MPP7: variants seen among roughly 807,000 people sequenced by gnomAD.
MPP7 encodes MAGUK p55 scaffold protein 7.
A neutral mutation model predicts 76.5 loss-of-function variants in MPP7; 60 were observed. The observed-to-expected ratio is 0.78, with a 90% confidence interval of 0.64 to 0.97. The LOEUF (loss-of-function observed/expected upper bound fraction) is 0.97, where lower values mean the gene tolerates loss of function less well. Among genes scored for constraint, MPP7 ranks in the 50% least tolerant of loss-of-function variants. The pLI is 0.00. For missense variants in MPP7, 641 were observed against 694.0 expected (o/e 0.92, Z 0.86); for synonymous variants, 237 against 244.5 (o/e 0.97, Z 0.29).
At chr10:28,268,451 G>A (rs892595301) in intron 1 of MPP7, among the ~76,000 whole-genome samples, 9 of 152,082 alleles carry the variant, frequency 5.9e-5, no homozygotes, top group Admixed American at 5.9e-4. Context: ...ACAATTAGGG[G>A]CCAGGCGCGG....
chr10:28,244,499 T>C (rs1326492895), intron 1 of MPP7, among the ~76,000 whole-genome samples: 1 of 152,112 alleles, frequency 6.6e-6, no homozygotes, highest in Non-Finnish European at 1.5e-5. Flanking sequence ...CAAAAATTCC[T>C]AGTTTTCAAG....
chr10:28,057,445 CCTCT>C (rs1198915279), intron 15 of MPP7, among the ~76,000 whole-genome samples: 4 of 151,420 alleles, frequency 2.6e-5, no homozygotes, highest in Non-Finnish European at 4.4e-5. Context: ...GCACCTCGCT[CCTCT>C]CTCTCTCTTC....
intron 3 of MPP7, among the ~76,000 whole-genome samples, chr10:28,155,144 T>C (rs1462146912): frequency 6.6e-6 from 1 of 152,198 alleles, no homozygotes; most frequent in Admixed American, 6.5e-5. Context: ...GTCTGGGATC[T>C]ATGGCTAGGA....
intron 13 of MPP7, among the ~76,000 whole-genome samples, chr10:28,068,056 C>T (rs1852062270): frequency 6.6e-6 from 1 of 151,946 alleles, no homozygotes; most frequent in Non-Finnish European, 1.5e-5. Flanking sequence ...TTTAAAAATT[C>T]GTTTTTTTTT....
chr10:28,069,595 T>C (rs1418688861), intron 13 of MPP7, among the ~76,000 whole-genome samples, 177 bp downstream of exon 13: 1 of 138,526 alleles, frequency 7.2e-6, no homozygotes, highest in Admixed American at 7.6e-5. Context: ...AGAGTGAGAC[T>C]CCATCTCAAA....
chr10:28,096,126 C>T (rs1181744420), intron 11 of MPP7, among the ~76,000 whole-genome samples: 1 of 152,150 alleles, frequency 6.6e-6, no homozygotes, highest in Non-Finnish European at 1.5e-5. Context: ...ATCTGAGTTG[C>T]TCGTTATTTG....
intron 2 of MPP7, among the ~76,000 whole-genome samples, chr10:28,309,052 C>G (rs1319722531): frequency 6.6e-6 from 1 of 152,128 alleles, no homozygotes; most frequent in Non-Finnish European, 1.5e-5. Flanking sequence ...TCTTTATTTC[C>G]AGCCTTCAGT....
intron 3 of MPP7, among the ~76,000 whole-genome samples, chr10:28,167,314 AAAACAAAC>A (rs71391017): frequency 0.7 from 96,085 of 137,740 alleles, 32,324 homozygotes; most frequent in Middle Eastern, 0.81. Flanking sequence ...CTGCCTCAAA[AAAACAAAC>A]AAACAAACAA....
chr10:28,217,173 C>T (rs12243871), intron 2 of MPP7, among the ~76,000 whole-genome samples: 26,305 of 151,938 alleles, frequency 0.17, 2,580 homozygotes, highest in African/African-American at 0.26. Flanking sequence ...AAAAAGCTGA[C>T]AGAATTTGCA....
chr10:28,080,347 G>T (rs558944249), intron 12 of MPP7, among the ~76,000 whole-genome samples: 1 of 152,020 alleles, frequency 6.6e-6, no homozygotes, highest in African/African-American at 2.4e-5. Flanking sequence ...CTAAGTAGAC[G>T]GGGGCATGAG....
At chr10:28,309,537 T>C (rs1841277430) in intron 2 of MPP7, among the ~76,000 whole-genome samples, 1 of 152,232 alleles carries the variant, frequency 6.6e-6, no homozygotes, top group Admixed American at 6.5e-5. Flanking sequence ...TGAGACCCTC[T>C]GTGGGTTCCT....
intron 11 of MPP7, among the ~76,000 whole-genome samples, chr10:28,103,237 G>A (rs1853916904): frequency 6.7e-6 from 1 of 148,866 alleles, no homozygotes. Flanking sequence ...CGCTGTCTGG[G>A]GCCTGTGCAC....
intron 2 of MPP7, among the ~76,000 whole-genome samples, chr10:28,222,095 A>G (rs554981806): frequency 6.3e-4 from 96 of 152,118 alleles, no homozygotes; most frequent in Non-Finnish European, 1.2e-3. Context: ...ACAATTCTAC[A>G]TCAACAGGAA....
intron 3 of MPP7, among the ~76,000 whole-genome samples, chr10:28,160,193 T>C (rs778015531): frequency 4.0e-5 from 6 of 151,886 alleles, no homozygotes; most frequent in Non-Finnish European, 7.4e-5. Context: ...AAAAAGAAAC[T>C]AGTTTAGTTC....
At chr10:28,116,929 T>C (rs748545039) in intron 11 of MPP7, among the ~76,000 whole-genome samples, 2 of 152,140 alleles carry the variant, frequency 1.3e-5, no homozygotes, top group Non-Finnish European at 2.9e-5. Flanking sequence ...GTTGTTATTA[T>C]CATGGCTCCT....
chr10:28,193,488 G>C (rs1837479898), intron 3 of MPP7, among the ~76,000 whole-genome samples: 1 of 152,132 alleles, frequency 6.6e-6, no homozygotes, highest in South Asian at 2.1e-4. Context: ...CGGGATTACA[G>C]GCGTGAGTCA....
rs12249305 is a variant in MPP7, at chr10:28,053,811, G to A, written c.*254C>T. Reference sequence around the variant, plus strand: ...TTCAGCCTCATCTTGGAGATAGAGCGGTATTGAAGACAACGAGAAGGTTTG... The same window carrying A: ...TTCAGCCTCATCTTGGAGATAGAGCAGTATTGAAGACAACGAGAAGGTTTG... On this transcript the variant is annotated 3_prime_UTR_variant, in exon 17 of 17. Transcript: ENST00000683449. 4 of 432,460 alleles carry A rather than the reference G, an allele frequency of 9.2e-6. No homozygotes were observed. The highest frequency in any genetic ancestry group is 4.3e-5 in the Admixed American group (1 of 23,240). The allele number at this position is 432,460 out of a possible 1,614,324, so 26.8% of individuals were successfully genotyped here.
intron 16 of MPP7, among the ~76,000 whole-genome samples, chr10:28,054,552 T>C (rs1851479246): frequency 6.6e-6 from 1 of 152,226 alleles, no homozygotes; most frequent in African/African-American, 2.4e-5. Flanking sequence ...AAAATAGCTA[T>C]TGGAGAAAAG....
At chr10:28,275,803 C>T (rs7100335) in intron 1 of MPP7, among the ~76,000 whole-genome samples, 13,175 of 151,972 alleles carry the variant, frequency 0.087, 751 homozygotes, top group Non-Finnish European at 0.12. Flanking sequence ...TGAACAACCT[C>T]CCAACCAATC....
Sources: allele counts gnomAD v4.1 joint callset (sites outside exome capture counted in the v4.1 genomes callset), GRCh38; gene constraint gnomAD v4.1.1; transcripts MANE v1.5; gene names NCBI Gene and HGNC (gene_info 2026-07-23, HGNC 2026-07-21).